The following APBB1IP variants were observed in gnomAD, a reference collection of about 807,000 sequenced individuals.
The protein encoded by APBB1IP is amyloid beta precursor protein binding family B member 1 interacting protein.
APBB1IP carries 27 observed loss-of-function variants against 64.9 expected under a neutral mutation model. The observed-to-expected ratio is 0.42, with a 90% CI of 0.31 to 0.57. The LOEUF (loss-of-function observed/expected upper bound fraction) is 0.57, where lower values mean the gene tolerates loss of function less well. Ranked by LOEUF, APBB1IP falls within the 20% of genes least tolerant of loss-of-function variation. The probability of loss-of-function intolerance (pLI) is 0.20; values close to 1 mark genes in which losing one functional copy is unlikely to be tolerated. For synonymous variants in APBB1IP, 392 were observed against 331.0 expected (o/e 1.18, Z -2.00); for missense variants, 812 against 845.5 (o/e 0.96, Z 0.49).
intron 2 of APBB1IP, among the ~76,000 whole-genome samples, chr10:26,470,238 A>G (rs1471336631): frequency 6.6e-6 from 1 of 152,242 alleles, no homozygotes; most frequent in Non-Finnish European, 1.5e-5. Context: ...TCAACTCTTC[A>G]TTATAAAAGA....
chr10:26,480,712 C>T (rs1835825374), intron 2 of APBB1IP, among the ~76,000 whole-genome samples: 1 of 146,648 alleles, frequency 6.8e-6, no homozygotes, highest in Non-Finnish European at 1.5e-5. Flanking sequence ...AGTGATCTGC[C>T]TACCTCGACC....
intron 2 of APBB1IP, among the ~76,000 whole-genome samples, chr10:26,441,394 A>G (rs980383072): frequency 3.3e-5 from 5 of 152,176 alleles, no homozygotes; most frequent in African/African-American, 1.2e-4. Context: ...AGCCGCATGA[A>G]GGAATGCCAT....
intron 2 of APBB1IP, among the ~76,000 whole-genome samples, chr10:26,465,525 T>G (rs1457112096): frequency 6.6e-6 from 1 of 152,192 alleles, no homozygotes; most frequent in Non-Finnish European, 1.5e-5. Context: ...AAATTAATGA[T>G]TTTTGCACCT....
chr10:26,560,619 G>A, intron 12 of APBB1IP, 111 bp from the exon 13 acceptor site: 1 of 695,894 alleles, frequency 1.4e-6, no homozygotes, highest in Non-Finnish European at 2.3e-6. Context: ...GACAAGTGGT[G>A]AACAGAGTAG....
intron 2 of APBB1IP, among the ~76,000 whole-genome samples, chr10:26,445,100 AAAAAAAGAGG>A (rs1456889913): frequency 3.5e-5 from 5 of 143,646 alleles, no homozygotes; most frequent in African/African-American, 1.3e-4. Context: ...CTGTCAAAAA[AAAAAAAGAGG>A]AAAAGAAAGA....
Position 26,536,171 on chromosome 10 carries a change from T to A in APBB1IP, c.998T>A (p.Leu333His), listed in dbSNP as rs1374600951. ...AAATCCTGGAAAAGGCGCTATTTTC[T>A]TTTACGGGCTTCTGGAATTTATTAT... ...GKKSWKRRYF[L>H]LRASGIYYVP... Residue 333 changes from leucine (L) to histidine (H), a missense_variant, in exon 10 of 15, where the codon CTT becomes CAT. Leu to His is a moderately conservative substitution (Grantham distance 99). Around this residue, in one of 3 missense-constraint regions of APBB1IP, gnomAD observed 394 missense variants for 413.1 expected, o/e 0.95. Transcript: ENST00000376236. 10 of 1,608,804 alleles carry A rather than the reference T, an allele frequency of 6.2e-6. No individual in the cohort carries two copies. Among genetic ancestry groups the A allele is most frequent in the Non-Finnish European group, 8.5e-6 (10 of 1,178,294 alleles).
Position 26,560,087 on chromosome 10 carries a change from G to A in APBB1IP, c.1156-18G>A, listed in dbSNP as rs111258481. ...ACATGACAAGTGAATACATTGTCTC[G>A]AAACTGCTTCTTTCTAGCACCCCCA... On this transcript the variant is annotated intron_variant, in intron 11 of 14. Coordinates refer to ENST00000376236, the MANE Select transcript of APBB1IP (RefSeq NM_019043.4). 2.4e-5 allele frequency: 39 copies of A among 1,606,174 alleles called. No homozygotes were observed. The highest frequency in any genetic ancestry group is 3.3e-4 in the Middle Eastern group (2 of 6,042).
chr10:26,562,796 TAAAATAAATAAA>T (rs1468928829), intron 14 of APBB1IP, among the ~76,000 whole-genome samples: 2 of 148,896 alleles, frequency 1.3e-5, no homozygotes, highest in African/African-American at 5.0e-5. Context: ...GATCCAGTCT[TAAAATAAATAAA>T]TAAATAAATA....
At chr10:26,560,342 T>C in intron 12 of APBB1IP, 139 bp downstream of exon 12, 1 of 750,112 alleles carries the variant, frequency 1.3e-6, no homozygotes, top group Middle Eastern at 3.8e-4. Context: ...ATTCGCCCAG[T>C]GGGTTTTCTA....
At chr10:26,547,782 G>A (rs887119795) in intron 11 of APBB1IP, among the ~76,000 whole-genome samples, 2 of 152,018 alleles carry the variant, frequency 1.3e-5, no homozygotes, top group African/African-American at 2.4e-5. Flanking sequence ...ATTTTGGGTC[G>A]ATTTTTGTTT....
At chr10:26,541,504 T>C in intron 10 of APBB1IP, 78 bp from the exon 11 acceptor site, 1 of 864,014 alleles carries the variant, frequency 1.2e-6, no homozygotes, top group Non-Finnish European at 1.9e-6. Context: ...TAATCCTTAG[T>C]TGTGCTATGA....
Position 26,533,536 on chromosome 10 carries a change from T to A in APBB1IP, c.900+11T>A. The A allele has an allele frequency of 6.4e-7, 1 of 1,555,570 alleles. No individual in the cohort carries two copies. The highest frequency in any genetic ancestry group is 8.7e-7 in the Non-Finnish European group (1 of 1,145,760). On this transcript the variant is annotated intron_variant, in intron 9 of 14. Coordinates refer to ENST00000376236, the MANE Select transcript of APBB1IP (RefSeq NM_019043.4). ...GAATCCTTACTTGAGGTAAGGTTAA[T>A]TTTGCAGAGTGGAAGAAAAGAGAAG...
intron 2 of APBB1IP, among the ~76,000 whole-genome samples, chr10:26,451,443 A>T (rs1835464900): frequency 6.6e-6 from 1 of 152,214 alleles, no homozygotes; most frequent in Non-Finnish European, 1.5e-5. Context: ...CATTTCTCTC[A>T]GTCCTCAGGA....
At chr10:26,461,692 C>T (rs2132407044) in intron 2 of APBB1IP, among the ~76,000 whole-genome samples, 1 of 152,134 alleles carries the variant, frequency 6.6e-6, no homozygotes, top group South Asian at 2.1e-4. Context: ...GTAAAGATGT[C>T]TCTCCCTACA....
chr10:26,506,729 A>G (rs906348730), intron 6 of APBB1IP, among the ~76,000 whole-genome samples: 3 of 152,032 alleles, frequency 2.0e-5, no homozygotes, highest in African/African-American at 7.2e-5. Flanking sequence ...TTCCCCACCA[A>G]TGCATCCCCA....
intron 4 of APBB1IP, 90 bp from the exon 5 acceptor site, chr10:26,500,729 T>C (rs773329204): frequency 8.1e-7 from 1 of 1,233,108 alleles, no homozygotes; most frequent in Non-Finnish European, 1.1e-6. Context: ...GATTCCTTTC[T>C]ACTCAAATAT....
chr10:26,524,534 A>C (rs561769855), intron 8 of APBB1IP, among the ~76,000 whole-genome samples: 1 of 152,336 alleles, frequency 6.6e-6, no homozygotes, highest in African/African-American at 2.4e-5. Context: ...GTTGGCTTGC[A>C]GTTTGGTTTT....
chr10:26,510,734 T>TCTCTCACA (rs375916170), intron 6 of APBB1IP, among the ~76,000 whole-genome samples: 16 of 135,984 alleles, frequency 1.2e-4, no homozygotes, highest in East Asian at 4.4e-4. Context: ...AGACCCTGTC[T>TCTCTCACA]CACACACACA....
intron 8 of APBB1IP, among the ~76,000 whole-genome samples, chr10:26,532,123 T>C (rs182581176): frequency 4.6e-5 from 7 of 152,332 alleles, no homozygotes; most frequent in Admixed American, 3.3e-4. Flanking sequence ...AACACTCCTA[T>C]GGTGTAAACA....
Sources: gnomAD v4.1 joint callset for allele counts (sites outside exome capture counted in the v4.1 genomes callset) on GRCh38, gnomAD v4.1.1 for gene constraint, gnomAD v4.1.1 regional missense constraint, MANE v1.5 for transcripts, NCBI Gene and HGNC (gene_info 2026-07-23, HGNC 2026-07-21) for gene names.